Variants in TEX11 observed in about 807,000 individuals in gnomAD.
TEX11 encodes the protein testis-expressed protein 11.
In TEX11, 7 loss-of-function variants were observed where a neutral mutation model predicts 84.4. That is an observed-to-expected ratio of 0.08 (90% confidence interval 0.05 to 0.16). The LOEUF is 0.16. Ranked by LOEUF, TEX11 falls within the 10% of genes least tolerant of loss-of-function variation. The pLI is 1.00. For missense variants in TEX11, 551 were observed against 660.5 expected (o/e 0.83, Z 1.82); for synonymous variants, 264 against 222.8 (o/e 1.18, Z -1.64).
At chrX:70,637,682 G>A (rs746662882) in intron 17 of TEX11, among the ~76,000 whole-genome samples, 1 of 110,904 alleles carries the variant, frequency 9.0e-6, no homozygotes, top group East Asian at 2.8e-4. Context: ...AATACTGCAT[G>A]TTCTCACTTA....
intron 8 of TEX11, among the ~76,000 whole-genome samples, chrX:70,809,936 C>T (rs1402739824): frequency 9.0e-6 from 1 of 111,603 alleles, no homozygotes; most frequent in Non-Finnish European, 1.9e-5. Flanking sequence ...TGTATAGATA[C>T]ACACTGATAA....
In TEX11 at chrX:70,548,279, G is replaced by T. The variant is rs2088163760; in HGVS notation, c.2520+3847C>A. ...ACCGGGGCCTGTTGTGGGGTGGGGGGAGTGGGGAGGGATAGCATTAGGAGA... is the reference window on the plus strand; with the variant it reads ...ACCGGGGCCTGTTGTGGGGTGGGGGTAGTGGGGAGGGATAGCATTAGGAGA... On this transcript the variant is annotated intron_variant, in intron 28 of 29. Coordinates refer to ENST00000374333, the MANE Select transcript of TEX11 (RefSeq NM_031276.3). Among the ~76,000 whole-genome samples, 5 of 107,621 alleles carry T rather than the reference G, an allele frequency of 4.6e-5. No homozygotes were observed. In the Admixed American group the frequency reaches 5.0e-4, roughly 11 times the overall value. The allele number at this position is 107,621 out of a possible 115,157, so 93.5% of individuals were successfully genotyped here. A position where few individuals can be genotyped will look rare whatever the true frequency, so the allele number is the denominator to read the frequency against.
intron 8 of TEX11, among the ~76,000 whole-genome samples, chrX:70,818,183 G>A (rs944205275): frequency 9.0e-6 from 1 of 110,762 alleles, no homozygotes; most frequent in African/African-American, 3.3e-5. Context: ...CAGCTACACA[G>A]GAGGGAGGTG....
intron 11 of TEX11, among the ~76,000 whole-genome samples, chrX:70,731,249 G>C (rs1411724054): frequency 9.0e-6 from 1 of 111,325 alleles, no homozygotes; most frequent in Middle Eastern, 4.2e-3. Flanking sequence ...AAGAATTACA[G>C]AAGCAAGAGC....
chrX:70,787,982 T>C (rs1011365662), intron 9 of TEX11, among the ~76,000 whole-genome samples: 2 of 110,343 alleles, frequency 1.8e-5, no homozygotes, highest in African/African-American at 6.6e-5. Context: ...GTGAAAGGCA[T>C]GTATACTGAA....
At chrX:70,601,534 C>CTTTTTTTTTT (rs1182961993) in intron 24 of TEX11, among the ~76,000 whole-genome samples, 32 of 63,391 alleles carry the variant, frequency 5.0e-4, no homozygotes, top group East Asian at 1.6e-3. Flanking sequence ...CAGCATCATT[C>CTTTTTTTTTT]TTTTTTTTTT....
At chrX:70,708,243 A>G (rs752784947) in intron 13 of TEX11, among the ~76,000 whole-genome samples, 1 of 111,832 alleles carries the variant, frequency 8.9e-6, no homozygotes, top group African/African-American at 3.2e-5. Flanking sequence ...CAAAACCACA[A>G]TGAGATACTA....
chrX:70,576,851 C>T (rs1418904565), intron 25 of TEX11, among the ~76,000 whole-genome samples: 2 of 111,533 alleles, frequency 1.8e-5, no homozygotes, highest in Non-Finnish European at 3.8e-5. Flanking sequence ...AGGAGCACAC[C>T]CTGAAGTGCA....
intron 28 of TEX11, among the ~76,000 whole-genome samples, chrX:70,535,753 A>T (rs1454404984): frequency 9.1e-6 from 1 of 109,923 alleles, no homozygotes; most frequent in Non-Finnish European, 1.9e-5. Context: ...ATTTCAAAAA[A>T]AAACCCACAA....
At chrX:70,716,745 C>T (rs1322700101) in intron 13 of TEX11, among the ~76,000 whole-genome samples, 2 of 112,158 alleles carry the variant, frequency 1.8e-5, no homozygotes, top group African/African-American at 6.5e-5. Context: ...GGCCATGCCT[C>T]GCCCTGCTTC....
chrX:70,636,963 C>A (rs1414123182), intron 17 of TEX11, among the ~76,000 whole-genome samples: 1 of 111,612 alleles, frequency 9.0e-6, no homozygotes, highest in Non-Finnish European at 1.9e-5. Context: ...TCAGAATGAA[C>A]AAATAAATTA....
the TEX11 span, among the ~76,000 whole-genome samples, chrX:70,516,460 G>C: frequency 2.0e-4 from 22 of 111,622 alleles, no homozygotes; most frequent in African/African-American, 6.8e-4. Context: ...TGAGGTCTCT[G>C]TTCTATTCCA....
At chrX:70,766,228 A>G (rs1356927457) in intron 9 of TEX11, among the ~76,000 whole-genome samples, 1 of 110,849 alleles carries the variant, frequency 9.0e-6, no homozygotes, top group Non-Finnish European at 1.9e-5. Context: ...CCTGGCCAAC[A>G]TGGTGAAACC....
At chrX:70,583,068 T>C (rs1481950981) in intron 25 of TEX11, among the ~76,000 whole-genome samples, 1 of 111,191 alleles carries the variant, frequency 9.0e-6, no homozygotes, top group Non-Finnish European at 1.9e-5. Context: ...AACCAAGTAT[T>C]GTTTATTGGG....
At chrX:70,703,706 C>T (rs2090344678) in intron 13 of TEX11, among the ~76,000 whole-genome samples, 1 of 111,964 alleles carries the variant, frequency 8.9e-6, no homozygotes, top group African/African-American at 3.2e-5. Flanking sequence ...ACAGCTATCT[C>T]TAATTCCTAA....
Position 70,777,550 on chromosome X carries a change from G to A in TEX11, c.692+29155C>T, listed in dbSNP as rs1420065976. 2.7e-5 allele frequency among the ~76,000 whole-genome samples: 3 copies of A among 112,086 alleles called. No individual in the cohort carries two copies. In the East Asian group the frequency reaches 8.4e-4, roughly 31 times the overall value. ...TGTAATCCCAGCTACTCGGGAGGCT[G>A]AGGCAGGAGAATTACTTGAACCCAG... On this transcript the variant is annotated intron_variant, in intron 9 of 29. Transcript: ENST00000374333.
intron 11 of TEX11, among the ~76,000 whole-genome samples, chrX:70,733,043 C>A (rs1014245783): frequency 2.7e-5 from 3 of 111,767 alleles, no homozygotes; most frequent in African/African-American, 9.8e-5. Flanking sequence ...CAAAAACAAG[C>A]AATGGGGAAA....
intron 13 of TEX11, among the ~76,000 whole-genome samples, chrX:70,686,611 G>T (rs904208456): frequency 1.3e-4 from 14 of 109,557 alleles, no homozygotes; most frequent in Non-Finnish European, 2.5e-4. Context: ...TAGGTGACAG[G>T]TTGATAGGTG....
chrX:70,867,429 A>G (rs4339795), intron 4 of TEX11, among the ~76,000 whole-genome samples: 22,477 of 111,129 alleles, frequency 0.2, 3,107 homozygotes, highest in African/African-American at 0.45. Context: ...GATTAATATC[A>G]TGAAAATGGC....
Sources: allele counts gnomAD v4.1 joint callset (sites outside exome capture counted in the v4.1 genomes callset), GRCh38; gene constraint gnomAD v4.1.1; transcripts MANE v1.5; gene names NCBI Gene and HGNC (gene_info 2026-07-23, HGNC 2026-07-21).